Variants in FRMD8 observed in about 807,000 individuals in gnomAD.
FRMD8 encodes FERM domain-containing protein 8.
In FRMD8, 37 loss-of-function variants were observed where a neutral mutation model predicts 54.2. The observed-to-expected ratio is 0.68, with a 90% CI of 0.53 to 0.90. The LOEUF is 0.90. FRMD8 is among the 40% of genes least tolerant of loss of function. The probability of loss-of-function intolerance (pLI) is 0.00; values close to 1 mark genes in which losing one functional copy is unlikely to be tolerated. For synonymous variants in FRMD8, 246 were observed against 286.9 expected (o/e 0.86, Z 1.44); for missense variants, 585 against 653.7 (o/e 0.89, Z 1.15).
chr11:65,391,000 T>G (rs1306722839), intron 3 of FRMD8, among the ~76,000 whole-genome samples: 4 of 152,244 alleles, frequency 2.6e-5, no homozygotes, highest in African/African-American at 9.6e-5. Flanking sequence ...CAGCTGTGAC[T>G]TGGGCCCCCC....
At chr11:65,389,315 G>C (rs760286625) in intron 2 of FRMD8, 46 bp from the exon 3 acceptor site, 3 of 1,590,022 alleles carry the variant, frequency 1.9e-6, no homozygotes, top group East Asian at 4.5e-5. Context: ...TGGCCTGGCT[G>C]TGCCAGGCAG....
the FRMD8 span, chr11:65,376,522 C>A: frequency 2.5e-6 from 4 of 1,614,182 alleles, no homozygotes; most frequent in African/African-American, 1.3e-5. Context: ...TCCTTCCTGC[C>A]GGATGCTGCT....
intron 3 of FRMD8, among the ~76,000 whole-genome samples, chr11:65,391,413 A>C (rs1271666978): frequency 3.3e-5 from 5 of 152,200 alleles, no homozygotes; most frequent in Non-Finnish European, 5.9e-5. Context: ...TGCTTGTTCC[A>C]CAAGGACGTG....
chr11:65,377,375 G>T, the FRMD8 span: 2 of 1,247,668 alleles, frequency 1.6e-6, no homozygotes, highest in Non-Finnish European at 2.0e-6. Context: ...GATTCTTTTT[G>T]CAGGAGCAGG....
the FRMD8 span, among the ~76,000 whole-genome samples, chr11:65,372,749 G>T: frequency 6.6e-6 from 1 of 152,148 alleles, no homozygotes; most frequent in East Asian, 1.9e-4. Context: ...AACAACAGAG[G>T]ACCACTCTGA....
intron 3 of FRMD8, among the ~76,000 whole-genome samples, chr11:65,392,885 G>T (rs899919299): frequency 3.3e-5 from 5 of 152,212 alleles, no homozygotes; most frequent in African/African-American, 1.2e-4. Flanking sequence ...AGCCACGGGA[G>T]GATCTGGGGC....
chr11:65,398,260 A>G (rs1195905162), intron 7 of FRMD8, among the ~76,000 whole-genome samples: 1 of 152,186 alleles, frequency 6.6e-6, no homozygotes, highest in East Asian at 1.9e-4. Flanking sequence ...AGCCTCCCAC[A>G]GCACTGGGAT....
Position 65,394,044 on chromosome 11 carries a change from A to C in FRMD8, c.359A>C (p.Glu120Ala). The change falls in exon 5 of 11, where the codon GAG (glutamate) becomes GCG (alanine). Residue 120 changes from glutamate to alanine, a missense_variant. Glu to Ala is a moderately radical substitution (Grantham distance 107, BLOSUM62 -1). Transcript: ENST00000317568. ...SAPDDDVAMDEPFLQFRRNVF... is the reference protein window; with the variant it reads ...SAPDDDVAMDAPFLQFRRNVF... ...GTGACCCAGCCTCTCTCCCCAGATG[A>C]GCCTTTCCTGCAGTTCCGAAGGAAC... 6.2e-7 allele frequency: 1 copy of C among 1,614,038 alleles called. No homozygotes were observed. The highest frequency in any genetic ancestry group is 8.5e-7 in the Non-Finnish European group (1 of 1,179,936).
At chr11:65,398,629 A>G (rs921176048) in intron 7 of FRMD8, among the ~76,000 whole-genome samples, 4 of 152,220 alleles carry the variant, frequency 2.6e-5, no homozygotes, top group African/African-American at 7.2e-5. Context: ...GAGTGTGACC[A>G]GCTGTCACAA....
chr11:65,376,682 C>T, the FRMD8 span: 1 of 1,613,696 alleles, frequency 6.2e-7, no homozygotes, highest in East Asian at 2.2e-5. Context: ...GAGCCTGGGG[C>T]AGAGAGAGCC....
intron 2 of FRMD8, among the ~76,000 whole-genome samples, chr11:65,387,861 G>T (rs1450798088): frequency 2.0e-5 from 3 of 151,746 alleles, no homozygotes; most frequent in African/African-American, 7.3e-5. Flanking sequence ...CTCCCAAACA[G>T]CCTTTTGAAA....
chr11:65,380,636 A>ATGGGGGTCATGCC, the FRMD8 span: 1 of 1,289,128 alleles, frequency 7.8e-7, no homozygotes, highest in South Asian at 1.2e-5. Context: ...CAGGGCCCTG[A>ATGGGGGTCATGCC]TGGGGGTCAT....
At chr11:65,399,066 T>C (rs1336272634) in intron 7 of FRMD8, among the ~76,000 whole-genome samples, 1 of 149,734 alleles carries the variant, frequency 6.7e-6, no homozygotes, top group Admixed American at 6.7e-5. Flanking sequence ...GGCACGATCT[T>C]GGCTCACTGC....
Position 65,407,952 on chromosome 11 carries a change from G to T in FRMD8, c.1276+2884G>T, listed in dbSNP as rs554701882. Reference sequence around the variant, plus strand: ...GCAGCCATGCGCATGAGGAGGGCGGGCCCAGCTGTGGCCGTCAGCGGCTGT... The same window carrying T: ...GCAGCCATGCGCATGAGGAGGGCGGTCCCAGCTGTGGCCGTCAGCGGCTGT... On this transcript the variant is annotated intron_variant, in intron 10 of 10. Transcript: ENST00000317568. Among the ~76,000 whole-genome samples, 4 of 152,120 alleles carry T rather than the reference G, an allele frequency of 2.6e-5. No individual in the cohort carries two copies. In the East Asian group the frequency reaches 7.7e-4, roughly 29 times the overall value.
chr11:65,387,947 TGAA>T (rs1855766418), intron 2 of FRMD8, among the ~76,000 whole-genome samples: 1 of 152,072 alleles, frequency 6.6e-6, no homozygotes, highest in Admixed American at 6.5e-5. Context: ...GTGGATCACT[TGAA>T]GTTGAGAATT....
At chr11:65,399,077 G>A (rs930654951) in intron 7 of FRMD8, among the ~76,000 whole-genome samples, 4 of 149,520 alleles carry the variant, frequency 2.7e-5, no homozygotes, top group Non-Finnish European at 5.9e-5. Context: ...GGCTCACTGC[G>A]AGCTCCGCCT....
upstream of FRMD8, among the ~76,000 whole-genome samples, chr11:65,384,124 C>T (rs1462968891): frequency 6.6e-6 from 1 of 152,196 alleles, no homozygotes; most frequent in Admixed American, 6.5e-5. Context: ...CTCATTCCCA[C>T]TTCCCTACAG....
intron 7 of FRMD8, among the ~76,000 whole-genome samples, chr11:65,399,378 C>T (rs61154080): frequency 0.13 from 19,117 of 152,028 alleles, 1,346 homozygotes; most frequent in South Asian, 0.29. Context: ...GAAAGGTCTC[C>T]GCCTGGACAG....
chr11:65,410,516 C>T (rs1371734223), intron 10 of FRMD8, among the ~76,000 whole-genome samples: 4 of 150,972 alleles, frequency 2.6e-5, no homozygotes, highest in African/African-American at 4.9e-5. Context: ...AAAGGCCGGG[C>T]GCAGTGGCTC....
Sources: allele counts gnomAD v4.1 joint callset (sites outside exome capture counted in the v4.1 genomes callset), GRCh38; gene constraint gnomAD v4.1.1; transcripts MANE v1.5; gene names NCBI Gene and HGNC (gene_info 2026-07-23, HGNC 2026-07-21).